Variants in PCDHGA1 observed in about 807,000 individuals in gnomAD.
PCDHGA1 encodes the protein protocadherin gamma-A1.
PCDHGA1 carries 32 observed loss-of-function variants against 58.0 expected under a neutral mutation model. The observed-to-expected ratio is 0.55, with a 90% CI of 0.42 to 0.74. The LOEUF is 0.74. Among genes scored for constraint, PCDHGA1 ranks in the 30% least tolerant of loss-of-function variants. The pLI is 0.00. For synonymous variants in PCDHGA1, 498 were observed against 501.1 expected (o/e 0.99, Z 0.08); for missense variants, 1,205 against 1,182.3 (o/e 1.02, Z -0.28).
Position 141,421,230 on chromosome 5 carries a change from G to A in PCDHGA1, c.2422-73577G>A, listed in dbSNP as rs530853994. 1.9e-6 allele frequency: 3 copies of A among 1,590,132 alleles called. No individual in the cohort carries two copies. The East Asian group carries it at 6.7e-5, about 36-fold the overall frequency. The stretch of plus-strand genomic sequence containing the variant: ...GGAATATCGGCTTAGAGCCTGCCAT[G>A]GCGAATCGGCTACAGCGCGGGGACC... On this transcript the variant is annotated intron_variant, in intron 1 of 3. Coordinates refer to ENST00000517417, the MANE Select transcript of PCDHGA1 (RefSeq NM_018912.3).
chr5:141,357,426 C>T (rs779091289), intron 1 of PCDHGA1: 34 of 1,614,084 alleles, frequency 2.1e-5, no homozygotes, highest in South Asian at 1.2e-4. Context: ...ACTTTGTGGG[C>T]GTGGACGGGG....
At chr5:141,415,083 G>T (rs747351388) in intron 1 of PCDHGA1, 1 of 1,613,514 alleles carries the variant, frequency 6.2e-7, no homozygotes. Context: ...CGCGAGCCCT[G>T]CTGGACAGAG....
chr5:141,397,375 T>C (rs2093516481), intron 1 of PCDHGA1, among the ~76,000 whole-genome samples: 1 of 152,174 alleles, frequency 6.6e-6, no homozygotes, highest in South Asian at 2.1e-4. Context: ...TGTTTGGGGA[T>C]TGGTATAAAA....
In PCDHGA1 at chr5:141,477,380, G is replaced by C; in HGVS notation, c.2422-17427G>C. The C allele has an allele frequency of 6.2e-7, 1 of 1,614,116 alleles. No homozygotes were observed. The highest frequency in any genetic ancestry group is 8.5e-7 in the Non-Finnish European group (1 of 1,180,028). On this transcript the variant is annotated intron_variant, in intron 1 of 3. Transcript: ENST00000517417. The surrounding 1 kb of genome is among the most constrained non-coding windows in gnomAD (Gnocchi z 4.9). ...AGACCTGGATCGGGAGACTGTGCCA[G>C]AATACAACCTCAGCATCACCGCCCG...
rs760676891 is a variant in PCDHGA1, at chr5:141,413,180, CCGCTCAAAGGAAT to C, written c.2421+80090_2421+80102del. The C allele has an allele frequency of 6.9e-5, 111 of 1,602,612 alleles. No individual in the cohort carries two copies. The East Asian group carries it at 9.6e-4, about 14-fold the overall frequency. ...GAATTCTGTAACCAGACTACAATGG[CCGCTCAAAGGAAT>C]CGCTCAAAGGAATCAAAGGATTGCA... On this transcript the variant is annotated intron_variant, in intron 1 of 3. Transcript: ENST00000517417.
chr5:141,432,120 A>G lies in PCDHGA1; in HGVS notation c.2422-62687A>G, dbSNP rs764363553. 12 of 1,613,978 alleles carry G rather than the reference A, an allele frequency of 7.4e-6. No homozygotes were observed. The highest frequency in any genetic ancestry group is 5.3e-5 in the African/African-American group (4 of 74,894). ...AACGACAACCCGCCGGTCTTCCCTCAGGCCTCCTATTCCGCTTATATCCCA... is the reference window on the plus strand; with the variant it reads ...AACGACAACCCGCCGGTCTTCCCTCGGGCCTCCTATTCCGCTTATATCCCA... On this transcript the variant is annotated intron_variant, in intron 1 of 3. Transcript: ENST00000517417. The surrounding 1 kb of genome is among the most constrained non-coding windows in gnomAD (Gnocchi z 6.0).
chr5:141,369,295 G>A (rs556803561), intron 1 of PCDHGA1, among the ~76,000 whole-genome samples: 2 of 152,200 alleles, frequency 1.3e-5, no homozygotes, highest in Admixed American at 6.5e-5. Context: ...TCCTAATAAC[G>A]CATCATTGTT....
chr5:141,389,818 G>A (rs778055680), intron 1 of PCDHGA1: 1 of 1,613,888 alleles, frequency 6.2e-7, no homozygotes, highest in Non-Finnish European at 8.5e-7. Flanking sequence ...GTCGCCGTGC[G>A]TGACGGTGGA....
chr5:141,421,498 A>T (rs1303740754), intron 1 of PCDHGA1: 2 of 1,613,952 alleles, frequency 1.2e-6, no homozygotes, highest in African/African-American at 1.3e-5. Context: ...GGCAGGCAGG[A>T]TAGACCGGGA....
At chr5:141,419,757 G>C in intron 1 of PCDHGA1, 1 of 1,613,994 alleles carries the variant, frequency 6.2e-7, no homozygotes, top group Non-Finnish European at 8.5e-7. Flanking sequence ...CGTGCTTTGG[G>C]TGACAAGGAC....
chr5:141,428,156 C>G, intron 1 of PCDHGA1: 2 of 1,579,884 alleles, frequency 1.3e-6, no homozygotes, highest in Non-Finnish European at 1.7e-6. Flanking sequence ...CGGGAACCTG[C>G]TGGTTGCTGT....
rs200877911 is a variant in PCDHGA1 at position 141,477,977 on chromosome 5, A to G, written c.2422-16830A>G. ...ATCCCCTAACCAGAGCCTTTTTGCC[A>G]TAGGGCTGCACACTGGTCAAATCAG... On this transcript the variant is annotated intron_variant, in intron 1 of 3. Coordinates refer to ENST00000517417, the MANE Select transcript of PCDHGA1 (RefSeq NM_018912.3). The surrounding 1 kb of genome is among the most constrained non-coding windows in gnomAD (Gnocchi z 4.9). 5 of 1,614,092 alleles carry G rather than the reference A, an allele frequency of 3.1e-6. No individual in the cohort carries two copies. The East Asian group carries it at 6.7e-5, about 22-fold the overall frequency.
chr5:141,395,562 G>T (rs975935179), intron 1 of PCDHGA1: 2 of 227,450 alleles, frequency 8.8e-6, no homozygotes, highest in Non-Finnish European at 1.7e-5. Context: ...GTGTGTGTGT[G>T]TGTGTGTGTG....
intron 1 of PCDHGA1, chr5:141,415,853 GTAGT>G: frequency 2.5e-6 from 3 of 1,186,350 alleles, no homozygotes; most frequent in Non-Finnish European, 3.3e-6. Context: ...GCAGAACCTT[GTAGT>G]TTATAGTGTT....
chr5:141,389,799 C>T (rs763321545), intron 1 of PCDHGA1: 2 of 1,613,678 alleles, frequency 1.2e-6, no homozygotes, highest in Non-Finnish European at 1.7e-6. Context: ...CGTCCGCCAG[C>T]GCCTTCTGGT....
rs1267169722 is a variant in PCDHGA1 at position 141,333,223 on chromosome 5, T to G, written c.2421+118T>G. 2.1e-6 allele frequency: 3 copies of G among 1,447,644 alleles called. No individual in the cohort carries two copies. The African/African-American group carries it at 4.3e-5, about 21-fold the overall frequency. The allele number at this position is 1,447,644 out of a possible 1,614,324, so 89.7% of individuals were successfully genotyped here. ...CTAACCCATGTATCTTTGTAGCTTTTTATTACAAGTCCTGCAAAATCACGA... is the reference window on the plus strand; with the variant it reads ...CTAACCCATGTATCTTTGTAGCTTTGTATTACAAGTCCTGCAAAATCACGA... On this transcript the variant is annotated intron_variant, in intron 1 of 3. Transcript: ENST00000517417.
At chr5:141,343,944 T>C in intron 1 of PCDHGA1, 1 of 1,271,424 alleles carries the variant, frequency 7.9e-7, no homozygotes, top group Non-Finnish European at 1.1e-6. Flanking sequence ...ATTAGGCCCG[T>C]AAAAGACTTC....
chr5:141,413,012 A>G (rs937468289), intron 1 of PCDHGA1: 10 of 657,718 alleles, frequency 1.5e-5, no homozygotes, highest in Middle Eastern at 4.2e-4. Flanking sequence ...GGCTTCAACT[A>G]CACAAGCCCC....
chr5:141,478,026 C>T (rs1192406949), intron 1 of PCDHGA1: 2 of 1,614,062 alleles, frequency 1.2e-6, no homozygotes, highest in East Asian at 2.2e-5. Flanking sequence ...GTCCAAGACA[C>T]AGATTCACCC....
Sources: gnomAD v4.1 joint callset for allele counts (sites outside exome capture counted in the v4.1 genomes callset) on GRCh38, gnomAD v4.1.1 for gene constraint, Gnocchi (gnomAD v3.1) non-coding constraint, MANE v1.5 for transcripts, NCBI Gene and HGNC (gene_info 2026-07-23, HGNC 2026-07-21) for gene names.